Variants in IQGAP2 observed in about 807,000 individuals in gnomAD.
IQGAP2 encodes the protein IQ motif containing GTPase activating protein 2.
A neutral mutation model predicts 201.3 loss-of-function variants in IQGAP2; 173 were observed. That is an observed-to-expected ratio of 0.86 (90% CI 0.76 to 0.98). The LOEUF (loss-of-function observed/expected upper bound fraction) is 0.98. IQGAP2 is among the 50% of genes least tolerant of loss of function. The pLI, the probability that IQGAP2 is intolerant of heterozygous loss-of-function variation, is 0.00. For missense variants in IQGAP2, 1,687 were observed against 1,864.8 expected, an observed-to-expected ratio of 0.90 and a Z score of 1.76; for synonymous variants, 675 against 673.9, an observed-to-expected ratio of 1.00 and a Z score of -0.03.
At position 76,417,159 on chromosome 5, in the gene IQGAP2, A is replaced by G. The variant is rs1365812902; in HGVS notation, c.46+13568A>G. On this transcript the variant is annotated intron_variant, in intron 1 of 35. Transcript: ENST00000274364. The stretch of plus-strand genomic sequence containing the variant: ...TGTTCAAGTGTGTGTGTGTGTCTAC[A>G]GTGGGGAGGGATTTACCACTTATTT... 2.6e-5 allele frequency among the ~76,000 whole-genome samples: 4 copies of G among 152,204 alleles called. No homozygotes were observed. In the East Asian group the frequency reaches 7.7e-4, roughly 29 times the overall value.
intron 2 of IQGAP2, among the ~76,000 whole-genome samples, chr5:76,527,607 G>T (rs1759045072): frequency 6.6e-6 from 1 of 152,180 alleles, no homozygotes; most frequent in African/African-American, 2.4e-5. Context: ...AAACACTAAG[G>T]ATGACGTCTA....
At chr5:76,697,889 A>G (rs1646022069) in intron 32 of IQGAP2, 98 bp from the exon 33 acceptor site, 7 of 840,042 alleles carry the variant, frequency 8.3e-6, no homozygotes, top group Non-Finnish European at 9.2e-6. Flanking sequence ...AGTTACAAAT[A>G]GCGACTTACT....
intron 2 of IQGAP2, among the ~76,000 whole-genome samples, chr5:76,536,172 G>A (rs545114415): frequency 1.4e-5 from 2 of 147,436 alleles, no homozygotes; most frequent in East Asian, 2.1e-4. Context: ...GGGTTCAAGC[G>A]ATTGTCCTGC....
intron 7 of IQGAP2, 33 bp downstream of exon 7, chr5:76,589,761 A>C: frequency 8.3e-7 from 1 of 1,199,384 alleles, no homozygotes; most frequent in Non-Finnish European, 1.2e-6. Context: ...CTTGCCATGG[A>C]TGTGAGACTT....
chr5:76,639,558 C>T (rs1415725180), intron 16 of IQGAP2, among the ~76,000 whole-genome samples: 2 of 152,062 alleles, frequency 1.3e-5, no homozygotes, highest in South Asian at 2.1e-4. Flanking sequence ...AATGGATCCA[C>T]GCGTCATAAT....
chr5:76,525,193 C>T lies in IQGAP2; in HGVS notation c.147-37203C>T, dbSNP rs149729095. 2.6e-5 allele frequency among the ~76,000 whole-genome samples: 4 copies of T among 152,292 alleles called. No homozygotes were observed. In the East Asian group the frequency reaches 7.7e-4, roughly 29 times the overall value. The stretch of plus-strand genomic sequence containing the variant: ...AGCTTGGCATCCCTCTCTGGATTAG[C>T]TTAGTGTTGTTTCATGATACTATTT... On this transcript the variant is annotated intron_variant, in intron 2 of 35. Transcript: ENST00000274364.
rs908507625 is a variant in IQGAP2, at chr5:76,665,045, A to G, written c.2549A>G (p.Lys850Arg). ...TTACAGGATGTAATTTCACATAGTA[A>G]AAAGCTGAACAAGAAAAAAGGAGGA... ...ITLEDVISHS[K>R]KLNKKKGGEM... The change falls in exon 22 of 36, where the codon AAA (lysine) becomes AGA (arginine). Residue 850 changes from lysine to arginine, a missense_variant. By Grantham distance (26) the Lys-to-Arg change is conservative (BLOSUM62 2). Transcript: ENST00000274364. The G allele has an allele frequency of 6.3e-7, 1 of 1,578,730 alleles. No individual in the cohort carries two copies. Among genetic ancestry groups the G allele is most frequent in the Admixed American group, 1.7e-5 (1 of 59,702 alleles).
At chr5:76,420,030 C>T (rs1751642792) in intron 1 of IQGAP2, among the ~76,000 whole-genome samples, 1 of 152,164 alleles carries the variant, frequency 6.6e-6, no homozygotes, top group Non-Finnish European at 1.5e-5. Flanking sequence ...CCTTCCCCAG[C>T]CTGGAAGAGT....
intron 21 of IQGAP2, among the ~76,000 whole-genome samples, chr5:76,659,356 A>G (rs1436435849): frequency 1.3e-5 from 2 of 152,234 alleles, no homozygotes; most frequent in African/African-American, 2.4e-5. Flanking sequence ...TATATGCCTG[A>G]TGACACTGGA....
intron 20 of IQGAP2, among the ~76,000 whole-genome samples, chr5:76,655,837 G>A (rs897265186): frequency 5.9e-5 from 9 of 152,146 alleles, no homozygotes; most frequent in African/African-American, 1.9e-4. Context: ...CTTTGCCTAT[G>A]TTTGTTATTT....
At chr5:76,622,985 G>A (rs1303473825) in intron 13 of IQGAP2, among the ~76,000 whole-genome samples, 2 of 152,168 alleles carry the variant, frequency 1.3e-5, no homozygotes, top group Non-Finnish European at 2.9e-5. Flanking sequence ...CTATGACCAG[G>A]TTTGAATAGA....
rs146366431 is a variant in IQGAP2 at position 76,578,563 on chromosome 5, C to G, written c.458+2794C>G. On this transcript the variant is annotated intron_variant, in intron 5 of 35. Coordinates refer to ENST00000274364, the MANE Select transcript of IQGAP2 (RefSeq NM_006633.5). ...TCTTGACCTCGTGATCTGCCTGCCT[C>G]AGCTTCCCAGTGTGCTGGGATTACA... Among the ~76,000 whole-genome samples, 53 of 152,312 alleles carry G rather than the reference C, an allele frequency of 3.5e-4. No homozygotes were observed. In the East Asian group the frequency reaches 9.9e-3, roughly 28 times the overall value.
intron 13 of IQGAP2, chr5:76,623,126 A>G (rs376660059): frequency 1.9e-6 from 3 of 1,596,184 alleles, no homozygotes; most frequent in African/African-American, 1.3e-5. Context: ...TTTGTAACAG[A>G]AACCCACATC....
At position 76,579,230 on chromosome 5, in the gene IQGAP2, C is replaced by T. The variant is rs919152558; in HGVS notation, c.458+3461C>T. ...TTATTTATAACTAGTTTTGAGTTGT[C>T]CTTGGCTATTATATTATTTTGATAC... On this transcript the variant is annotated intron_variant, in intron 5 of 35. Coordinates refer to ENST00000274364, the MANE Select transcript of IQGAP2 (RefSeq NM_006633.5). Among the ~76,000 whole-genome samples the T allele has an allele frequency of 2.0e-5, 3 of 151,986 alleles. No individual in the cohort carries two copies. The East Asian group carries it at 5.8e-4, about 29-fold the overall frequency.
chr5:76,457,280 T>C (rs1488319309), intron 1 of IQGAP2, among the ~76,000 whole-genome samples: 1 of 152,144 alleles, frequency 6.6e-6, no homozygotes. Flanking sequence ...GCCGGACATA[T>C]TTCTATGAAT....
intron 1 of IQGAP2, among the ~76,000 whole-genome samples, chr5:76,415,642 T>C (rs1226506909): frequency 6.6e-6 from 1 of 152,190 alleles, no homozygotes; most frequent in Non-Finnish European, 1.5e-5. Context: ...ACTGTTGTAG[T>C]TAATAATTTG....
At chr5:76,588,689 A>G (rs1189894775) in intron 5 of IQGAP2, among the ~76,000 whole-genome samples, 1 of 152,212 alleles carries the variant, frequency 6.6e-6, no homozygotes, top group African/African-American at 2.4e-5. Flanking sequence ...AGTGGATTAC[A>G]GTAGAAGACC....
chr5:76,510,054 C>T (rs1281614848), intron 2 of IQGAP2, among the ~76,000 whole-genome samples: 2 of 147,864 alleles, frequency 1.4e-5, no homozygotes, highest in East Asian at 4.0e-4. Flanking sequence ...GGCTGGAGTA[C>T]AGCAGCTCAA....
At position 76,575,253 on chromosome 5, in the gene IQGAP2, G is replaced by C. The variant is rs60754058; in HGVS notation, c.382-440G>C. 6.2e-3 allele frequency among the ~76,000 whole-genome samples: 949 copies of C among 152,162 alleles called. 7 individuals carry two copies. Among genetic ancestry groups the C allele is most frequent in the Middle Eastern group, 0.02 (6 of 294 alleles). On this transcript the variant is annotated intron_variant, in intron 4 of 35. Coordinates refer to ENST00000274364, the MANE Select transcript of IQGAP2 (RefSeq NM_006633.5). The stretch of plus-strand genomic sequence containing the variant: ...GTGTGTGTGTGTGTTGTATATGCAT[G>C]TATACATGTGTACAGAGCACATATG...
Sources: allele counts gnomAD v4.1 joint callset (sites outside exome capture counted in the v4.1 genomes callset), GRCh38; gene constraint gnomAD v4.1.1; transcripts MANE v1.5; gene names NCBI Gene and HGNC (gene_info 2026-07-23, HGNC 2026-07-21).